Variants in GREM1 observed in about 807,000 individuals in gnomAD.
The protein encoded by GREM1 is gremlin 1, DAN family BMP antagonist, also known as gremlin-1.
A neutral mutation model predicts 13.1 loss-of-function variants in GREM1; 6 were observed. The observed-to-expected ratio is 0.46, with a 90% CI of 0.25 to 0.91. The LOEUF is 0.91. Ranked by LOEUF, GREM1 falls within the 40% of genes least tolerant of loss-of-function variation. GREM1 has a pLI of 0.18. For missense variants in GREM1, 185 were observed against 233.9 expected (o/e 0.79, Z 1.36); for synonymous variants, 98 against 93.7 (o/e 1.05, Z -0.27).
chr15:32,732,594 A>G lies in GREM1; in HGVS notation c.*1349A>G. 1 of 245,546 alleles carries G rather than the reference A, an allele frequency of 4.1e-6. No individual in the cohort carries two copies. The highest frequency in any genetic ancestry group is 5.6e-5 in the Admixed American group (1 of 17,714). The allele number at this position is 245,546 out of a possible 1,614,324, so 15.2% of individuals were successfully genotyped here. A position where few individuals can be genotyped will look rare whatever the true frequency, so the allele number is the denominator to read the frequency against. ...TAAGGGATATGACCTCCCTTTCTTT[A>G]TGTGCTCACTGAGGATCTGAGGGGA... is the stretch of plus-strand genomic sequence containing the variant. On this transcript the variant is annotated 3_prime_UTR_variant, in exon 2 of 2. Transcript: ENST00000651154.
At position 32,738,125 on chromosome 15, in the gene GREM1, A is replaced by AAC. The variant is rs2055726347; in HGVS notation, c.*6881_*6882insCA. The AAC allele has an allele frequency of 1.4e-4, 4 of 27,966 alleles. No individual in the cohort carries two copies. Among genetic ancestry groups the AAC allele is most frequent in the Admixed American group, 1.3e-3 (3 of 2,284 alleles). 1.7% of individuals were successfully genotyped at this position (27,966 alleles called of 1,614,324 possible). A position where few individuals can be genotyped will look rare whatever the true frequency, so the allele number is the denominator to read the frequency against. On this transcript the variant is annotated 3_prime_UTR_variant, in exon 2 of 2. Transcript: ENST00000651154. Reference sequence around the variant, plus strand: ...AAAAAAAAAAAAAAAAAAAAAAAAAAAAAAAAAAGAAAAGAAAAAAGTCAT... The same window carrying AAC: ...AAAAAAAAAAAAAAAAAAAAAAAAAAACAAAAAAAAGAAAAGAAAAAAGTCAT...
chr15:32,744,226 T>C lies in GREM1; in HGVS notation c.*12981T>C, dbSNP rs1435212540. The C allele has an allele frequency of 6.6e-6, 1 of 152,142 alleles. No individual in the cohort carries two copies. Among genetic ancestry groups the C allele is most frequent in the Admixed American group, 6.5e-5 (1 of 15,278 alleles). 9.4% of individuals were successfully genotyped at this position (152,142 alleles called of 1,614,324 possible). On this transcript the variant is annotated 3_prime_UTR_variant, in exon 2 of 2. Coordinates refer to ENST00000651154, the MANE Select transcript of GREM1 (RefSeq NM_013372.7). ...TTTGGCTTAGCTTCTATTGGGTTTC[T>C]ATCACTTGCAACCAAAGTGCCCTAA...
intron 1 of GREM1, among the ~76,000 whole-genome samples, chr15:32,724,160 CAAG>C (rs2055457534): frequency 6.6e-6 from 1 of 152,194 alleles, no homozygotes; most frequent in South Asian, 2.1e-4. Context: ...GTGAAAATGC[CAAG>C]AAGGAAAAGT....
chr15:32,718,351 T>C (rs1477486225), intron 1 of GREM1, 190 bp downstream of exon 1: 1 of 514,764 alleles, frequency 1.9e-6, no homozygotes, highest in Non-Finnish European at 3.8e-6. Flanking sequence ...CACCGTGACC[T>C]CGCTGCTCTG....
rs899458269 is a variant in GREM1 at position 32,744,859 on chromosome 15, T to C, written c.*13614T>C. Reference sequence around the variant, plus strand: ...ATGCTCTGTGCCACAGAAGGAGCTGTTGCACTATTCATTCCCGTTTCCTCC... The same window carrying C: ...ATGCTCTGTGCCACAGAAGGAGCTGCTGCACTATTCATTCCCGTTTCCTCC... On this transcript the variant is annotated 3_prime_UTR_variant, in exon 2 of 2. Coordinates refer to ENST00000651154, the MANE Select transcript of GREM1 (RefSeq NM_013372.7). 5 of 152,244 alleles carry C rather than the reference T, an allele frequency of 3.3e-5. 1 individual carries two copies. Among genetic ancestry groups the C allele is most frequent in the Admixed American group, 3.3e-4 (5 of 15,306 alleles). 9.4% of individuals were successfully genotyped at this position (152,244 alleles called of 1,614,324 possible). A position where few individuals can be genotyped will look rare whatever the true frequency, so the allele number is the denominator to read the frequency against.
rs1002398152 is a variant in GREM1, at chr15:32,731,385, C to T, written c.*140C>T. Reference sequence around the variant, plus strand: ...GCCTCCTGGCAGGAGCCTGCTTGTGCGTAGTTCGTGTGCATGAGTGTGGAT... The same window carrying T: ...GCCTCCTGGCAGGAGCCTGCTTGTGTGTAGTTCGTGTGCATGAGTGTGGAT... On this transcript the variant is annotated 3_prime_UTR_variant, in exon 2 of 2. Transcript: ENST00000651154. The T allele has an allele frequency of 1.2e-5, 8 of 664,268 alleles. No homozygotes were observed. Among genetic ancestry groups the T allele is most frequent in the Non-Finnish European group, 2.1e-5 (8 of 380,012 alleles). 41.1% of individuals were successfully genotyped at this position (664,268 alleles called of 1,614,324 possible).
At position 32,718,114 on chromosome 15, in the gene GREM1, G is replaced by A. The variant is rs535570187; in HGVS notation, c.-49G>A. ...GCGGCTCTGGCCGCGGCCGCACTCA[G>A]CGCCACGCGTCGAAAGCGCAGGCCC... is the stretch of plus-strand genomic sequence containing the variant. On this transcript the variant is annotated 5_prime_UTR_variant, in exon 1 of 2. Transcript: ENST00000651154. The A allele has an allele frequency of 2.2e-4, 276 of 1,272,878 alleles. 1 individual carries two copies. Among genetic ancestry groups the A allele is most frequent in the Non-Finnish European group, 2.7e-4 (266 of 988,496 alleles). 78.8% of individuals were successfully genotyped at this position (1,272,878 alleles called of 1,614,324 possible).
Position 32,733,224 on chromosome 15 carries a change from C to G in GREM1, c.*1979C>G, listed in dbSNP as rs1467029825. On this transcript the variant is annotated 3_prime_UTR_variant, in exon 2 of 2. Transcript: ENST00000651154. ...CCCCACCCCAAATCTTTGTATTGTCCACATTCTCCAACAATAAAGCACAGA... is the reference window on the plus strand; with the variant it reads ...CCCCACCCCAAATCTTTGTATTGTCGACATTCTCCAACAATAAAGCACAGA... 8.9e-6 allele frequency: 2 copies of G among 225,764 alleles called. No homozygotes were observed. The highest frequency in any genetic ancestry group is 4.5e-5 in the African/African-American group (2 of 44,142). The allele number at this position is 225,764 out of a possible 1,614,324, so 14.0% of individuals were successfully genotyped here. A position where few individuals can be genotyped will look rare whatever the true frequency, so the allele number is the denominator to read the frequency against.
In GREM1 at chr15:32,730,935, A is replaced by T; in HGVS notation, c.245A>T (p.His82Leu). ...EVLESSQEAL[H>L]VTERKYLKRD... ...CTGGAGTCCAGCCAAGAGGCCCTGC[A>T]TGTGACGGAGCGCAAATACCTGAAG... The change falls in exon 2 of 2, where the codon CAT becomes CTT. Residue 82 changes from histidine to leucine, a missense_variant. Physicochemically the swap from His to Leu is moderately conservative, Grantham distance 99. Coordinates refer to ENST00000651154, the MANE Select transcript of GREM1 (RefSeq NM_013372.7). The T allele has an allele frequency of 6.2e-7, 1 of 1,614,104 alleles. No homozygotes were observed. The highest frequency in any genetic ancestry group is 8.5e-7 in the Non-Finnish European group (1 of 1,180,038).
chr15:32,730,574 A>G (rs1252330594), intron 1 of GREM1, 116 bp from the exon 2 acceptor site: 2 of 688,686 alleles, frequency 2.9e-6, no homozygotes, highest in Non-Finnish European at 4.8e-6. Context: ...AGTAAATGGA[A>G]TATTTCACGT....
chr15:32,731,302 C>T lies in GREM1; in HGVS notation c.*57C>T. The stretch of plus-strand genomic sequence containing the variant: ...GAATGCAGCCCCAGGAAGTCCCAGA[C>T]CTAAAACAACCAGATTCTTACTTGG... On this transcript the variant is annotated 3_prime_UTR_variant, in exon 2 of 2. Transcript: ENST00000651154. 7.4e-7 allele frequency: 1 copy of T among 1,351,586 alleles called. No homozygotes were observed. The highest frequency in any genetic ancestry group is 1.0e-6 in the Non-Finnish European group (1 of 964,976). 83.7% of individuals were successfully genotyped at this position (1,351,586 alleles called of 1,614,324 possible).
In GREM1 at chr15:32,733,529, A is replaced by G. The variant is rs543809612; in HGVS notation, c.*2284A>G. On this transcript the variant is annotated 3_prime_UTR_variant, in exon 2 of 2. Transcript: ENST00000651154. The stretch of plus-strand genomic sequence containing the variant: ...CTCAAGTAAAGAGAATTTCCTCAAC[A>G]CTAACTTCACTGGGATAATCAGCAG... 22 of 232,866 alleles carry G rather than the reference A, an allele frequency of 9.4e-5. No homozygotes were observed. The highest frequency in any genetic ancestry group is 1.7e-4 in the Non-Finnish European group (18 of 108,576). 14.4% of individuals were successfully genotyped at this position (232,866 alleles called of 1,614,324 possible).
At chr15:32,721,995 T>C (rs911029564) in intron 1 of GREM1, among the ~76,000 whole-genome samples, 27 of 152,212 alleles carry the variant, frequency 1.8e-4, no homozygotes, top group African/African-American at 5.8e-4. Flanking sequence ...CTATGCAATG[T>C]TGGGCCCCAG....
At chr15:32,718,434 C>CCA (rs1489569764) in intron 1 of GREM1, 1 of 474,588 alleles carries the variant, frequency 2.1e-6, no homozygotes, top group Admixed American at 2.3e-5. Context: ...GTTTCCACCT[C>CCA]CCGGAGGCCC....
At position 32,741,879 on chromosome 15, in the gene GREM1, T is replaced by C. The variant is rs890840827; in HGVS notation, c.*10634T>C. 2 of 152,196 alleles carry C rather than the reference T, an allele frequency of 1.3e-5. No homozygotes were observed. The highest frequency in any genetic ancestry group is 4.8e-5 in the African/African-American group (2 of 41,462). The allele number at this position is 152,196 out of a possible 1,614,324, so 9.4% of individuals were successfully genotyped here. A position where few individuals can be genotyped will look rare whatever the true frequency, so the allele number is the denominator to read the frequency against. On this transcript the variant is annotated 3_prime_UTR_variant, in exon 2 of 2. Transcript: ENST00000651154. ...ATTCTTAGTTTATTGAATGTTTTTCTCATGAAAGTGTGTTAAATTTTGTCA... is the reference window on the plus strand; with the variant it reads ...ATTCTTAGTTTATTGAATGTTTTTCCCATGAAAGTGTGTTAAATTTTGTCA...
intron 1 of GREM1, 52 bp downstream of exon 1, chr15:32,718,213 C>G: frequency 7.8e-7 from 1 of 1,287,778 alleles, no homozygotes; most frequent in Non-Finnish European, 1.0e-6. Context: ...GGAAGAGGGC[C>G]GCAAACCAAC....
At chr15:32,728,875 TTTAA>T (rs2055560713) in intron 1 of GREM1, among the ~76,000 whole-genome samples, 1 of 152,278 alleles carries the variant, frequency 6.6e-6, no homozygotes, top group East Asian at 1.9e-4. Flanking sequence ...CCCTCCACAC[TTTAA>T]TAATTCTCTC....
chr15:32,731,036 C>T lies in GREM1; in HGVS notation c.346C>T (p.Arg116Cys). ...CTGCAACAGTCGCACCATCATCAACCGCTTCTGTTACGGCCAGTGCAACTC... is the reference window on the plus strand; with the variant it reads ...CTGCAACAGTCGCACCATCATCAACTGCTTCTGTTACGGCCAGTGCAACTC... ...EGCNSRTIIN[R>C]FCYGQCNSFY... Residue 116 changes from arginine to cysteine, a missense_variant, in exon 2 of 2, where the codon CGC (arginine) becomes TGC (cysteine). By Grantham distance (180) the Arg-to-Cys change is radical (BLOSUM62 -3). Coordinates refer to ENST00000651154, the MANE Select transcript of GREM1 (RefSeq NM_013372.7). The T allele has an allele frequency of 6.2e-7, 1 of 1,614,176 alleles. No homozygotes were observed. The highest frequency in any genetic ancestry group is 8.5e-7 in the Non-Finnish European group (1 of 1,180,012).
chr15:32,729,173 G>A (rs151029877), intron 1 of GREM1, among the ~76,000 whole-genome samples: 4 of 142,020 alleles, frequency 2.8e-5, no homozygotes, highest in African/African-American at 7.4e-5. Context: ...ACAGGCGCCC[G>A]CCACTACGCC....
Sources: allele counts gnomAD v4.1 joint callset (sites outside exome capture counted in the v4.1 genomes callset), GRCh38; gene constraint gnomAD v4.1.1; transcripts MANE v1.5; gene names NCBI Gene and HGNC (gene_info 2026-07-23, HGNC 2026-07-21).